Variants in CDH4 observed in about 807,000 individuals in gnomAD.
The protein encoded by CDH4 is cadherin-4.
A neutral mutation model predicts 86.0 loss-of-function variants in CDH4; 33 were observed. The observed-to-expected ratio is 0.38, with a 90% CI of 0.29 to 0.51. CDH4 has a LOEUF of 0.51. Ranked by LOEUF, CDH4 falls within the 20% of genes least tolerant of loss-of-function variation. The pLI is 0.86. For synonymous variants in CDH4, 555 were observed against 549.4 expected (o/e 1.01, Z -0.14); for missense variants, 1,114 against 1,307.4 (o/e 0.85, Z 2.28).
intron 2 of CDH4, among the ~76,000 whole-genome samples, chr20:61,299,262 C>T (rs948292967): frequency 2.0e-5 from 3 of 152,076 alleles, no homozygotes; most frequent in East Asian, 1.9e-4. Flanking sequence ...GTGATACATC[C>T]GCAGACAGGA....
rs968043444 is a variant in CDH4 at position 61,829,897 on chromosome 20, C to T, written c.577-14771C>T. Among the ~76,000 whole-genome samples, 1 of 152,032 alleles carries T rather than the reference C, an allele frequency of 6.6e-6. No individual in the cohort carries two copies. The highest frequency in any genetic ancestry group is 2.1e-4 in the South Asian group (1 of 4,814). Reference sequence around the variant, plus strand: ...CCCTAGCCTGCTGGGGTGGGAGGGACGAGGCTCCTGCCCGGCCGGCCCTGG... The same window carrying T: ...CCCTAGCCTGCTGGGGTGGGAGGGATGAGGCTCCTGCCCGGCCGGCCCTGG... On this transcript the variant is annotated intron_variant, in intron 4 of 15. Transcript: ENST00000614565. This position sits in a 1 kb window ranked among gnomAD's most constrained non-coding sequence, Gnocchi z 4.2.
intron 1 of CDH4, among the ~76,000 whole-genome samples, chr20:61,253,212 C>G (rs1201344096): frequency 1.3e-5 from 2 of 151,152 alleles, no homozygotes; most frequent in Non-Finnish European, 3.0e-5. Flanking sequence ...GGCGGGGCCC[C>G]GGGGGCTGGG....
intron 7 of CDH4, among the ~76,000 whole-genome samples, chr20:61,881,510 G>A (rs2386562): frequency 0.036 from 5,426 of 152,314 alleles, 175 homozygotes; most frequent in Middle Eastern, 0.054. Context: ...TGGCAGCAGC[G>A]GCCAAGACTC....
intron 2 of CDH4, among the ~76,000 whole-genome samples, chr20:61,299,249 G>C (rs1317320737): frequency 6.6e-6 from 1 of 152,112 alleles, no homozygotes; most frequent in Non-Finnish European, 1.5e-5. Flanking sequence ...AGCAGAGATG[G>C]GAGTGATACA....
intron 7 of CDH4, among the ~76,000 whole-genome samples, chr20:61,887,904 C>A (rs890807434): frequency 9.2e-5 from 14 of 152,104 alleles, no homozygotes; most frequent in African/African-American, 3.1e-4. Context: ...GATGGGTGGC[C>A]GAGGGGGGCC....
chr20:61,609,254 G>C (rs2086666964), intron 2 of CDH4, among the ~76,000 whole-genome samples: 1 of 152,218 alleles, frequency 6.6e-6, no homozygotes, highest in Non-Finnish European at 1.5e-5. Flanking sequence ...GGTGCGTGCT[G>C]ATGTGATGGC....
intron 2 of CDH4, among the ~76,000 whole-genome samples, chr20:61,506,453 G>A (rs972531596): frequency 6.6e-6 from 1 of 152,200 alleles, no homozygotes; most frequent in African/African-American, 2.4e-5. Flanking sequence ...AAAGAAATTT[G>A]AAGAATACGC....
At chr20:61,595,885 G>T (rs1053351761) in intron 2 of CDH4, among the ~76,000 whole-genome samples, 5 of 152,200 alleles carry the variant, frequency 3.3e-5, no homozygotes, top group African/African-American at 1.2e-4. Flanking sequence ...AATGATTCCC[G>T]CACGGCTTCC....
intron 2 of CDH4, among the ~76,000 whole-genome samples, chr20:61,704,441 TGCCACCTTTCA>T (rs1365745061): frequency 6.6e-6 from 1 of 152,154 alleles, no homozygotes; most frequent in Non-Finnish European, 1.5e-5. Context: ...CTGGGTGCTG[TGCCACCTTTCA>T]GCCCAAGTCA....
At chr20:61,841,340 C>G (rs1982161173) in intron 4 of CDH4, among the ~76,000 whole-genome samples, 1 of 152,216 alleles carries the variant, frequency 6.6e-6, no homozygotes, top group Non-Finnish European at 1.5e-5. Flanking sequence ...GATCTCTTAG[C>G]TTTTCTCCCA....
chr20:61,254,486 G>C (rs747922362), intron 1 of CDH4, among the ~76,000 whole-genome samples: 1 of 152,222 alleles, frequency 6.6e-6, no homozygotes, highest in Non-Finnish European at 1.5e-5. Context: ...CGGGAGCAGC[G>C]GCTGAAGTCT....
chr20:61,852,003 G>T (rs1982746108), intron 5 of CDH4, among the ~76,000 whole-genome samples: 1 of 152,228 alleles, frequency 6.6e-6, no homozygotes, highest in African/African-American at 2.4e-5. Context: ...AACTTAAGGG[G>T]TGACTCTGAG....
chr20:61,847,328 T>C (rs1466518268), intron 5 of CDH4, among the ~76,000 whole-genome samples: 1 of 152,120 alleles, frequency 6.6e-6, no homozygotes, highest in Non-Finnish European at 1.5e-5. Flanking sequence ...AGCCTGGGAG[T>C]TCTGCCCACA....
intron 3 of CDH4, among the ~76,000 whole-genome samples, chr20:61,772,410 T>C (rs1184603932): frequency 6.6e-6 from 1 of 152,250 alleles, no homozygotes; most frequent in Non-Finnish European, 1.5e-5. Context: ...ATTTGATTAC[T>C]GGGAGATGTG....
intron 2 of CDH4, among the ~76,000 whole-genome samples, chr20:61,378,267 A>C (rs932136307): frequency 5.3e-5 from 8 of 152,140 alleles, no homozygotes; most frequent in African/African-American, 1.4e-4. Flanking sequence ...AAGAAAAAAA[A>C]ATTTATTGGG....
intron 4 of CDH4, among the ~76,000 whole-genome samples, chr20:61,836,587 A>G (rs998524197): frequency 3.3e-5 from 5 of 152,250 alleles, no homozygotes; most frequent in Non-Finnish European, 5.9e-5. Context: ...TTCATCATGC[A>G]TGAAAAGTAT....
rs574740962 is a variant in CDH4 at position 61,544,254 on chromosome 20, G to A, written c.170-199309G>A. On this transcript the variant is annotated intron_variant, in intron 2 of 15. Coordinates refer to ENST00000614565, the MANE Select transcript of CDH4 (RefSeq NM_001794.5). This position sits in a 1 kb window ranked among gnomAD's most constrained non-coding sequence, Gnocchi z 6.5. Reference sequence around the variant, plus strand: ...GACCACAGTTGTGTATGTATATGGCGGGGTACGGCTGACATCGAGCGGGTG... The same window carrying A: ...GACCACAGTTGTGTATGTATATGGCAGGGTACGGCTGACATCGAGCGGGTG... Among the ~76,000 whole-genome samples, 2 of 152,118 alleles carry A rather than the reference G, an allele frequency of 1.3e-5. No homozygotes were observed. Among genetic ancestry groups the A allele is most frequent in the Admixed American group, 6.5e-5 (1 of 15,276 alleles).
intron 2 of CDH4, among the ~76,000 whole-genome samples, chr20:61,405,731 T>C (rs2085078076): frequency 6.6e-6 from 1 of 151,810 alleles, no homozygotes. Flanking sequence ...TCTCACTCTG[T>C]CACCCAGGCT....
intron 2 of CDH4, among the ~76,000 whole-genome samples, chr20:61,499,922 A>G (rs569816722): frequency 6.6e-6 from 1 of 152,214 alleles, no homozygotes; most frequent in Admixed American, 6.6e-5. Context: ...GGTGGTTGGA[A>G]GGGTCAGTGG....
Sources: gnomAD v4.1 joint callset for allele counts (sites outside exome capture counted in the v4.1 genomes callset) on GRCh38, gnomAD v4.1.1 for gene constraint, Gnocchi (gnomAD v3.1) non-coding constraint, MANE v1.5 for transcripts, NCBI Gene and HGNC (gene_info 2026-07-23, HGNC 2026-07-21) for gene names.